The following FAM193A variants were observed in gnomAD, a reference collection of about 807,000 sequenced individuals.
The protein encoded by FAM193A is family with sequence similarity 193 member A.
A neutral mutation model predicts 126.5 loss-of-function variants in FAM193A; 22 were observed. The ratio of observed to expected loss-of-function variants is 0.17; its 90% CI spans 0.12 to 0.25. The LOEUF is 0.25. Among genes scored for constraint, FAM193A ranks in the 10% least tolerant of loss-of-function variants. The pLI is 1.00. For synonymous variants in FAM193A, 761 were observed against 646.8 expected, an observed-to-expected ratio of 1.18 and a Z score of -2.68; for missense variants, 1,675 against 1,672.8, an observed-to-expected ratio of 1.00 and a Z score of -0.02.
chr4:2,581,624 G>C (rs936254260), intron 1 of FAM193A, among the ~76,000 whole-genome samples: 1 of 151,972 alleles, frequency 6.6e-6, no homozygotes, highest in African/African-American at 2.4e-5. Context: ...GTTTGAGAAA[G>C]TCTTTCTCCT....
chr4:2,654,851 A>C, intron 7 of FAM193A: 4 of 385,338 alleles, frequency 1.0e-5, no homozygotes, highest in Non-Finnish European at 1.4e-5. Context: ...TGAGTGGGGA[A>C]TGTGTGTTTA....
rs761512247 is a variant in FAM193A, at chr4:2,695,127, G to A, written c.3274G>A (p.Gly1092Arg). The A allele has an allele frequency of 6.3e-6, 10 of 1,595,382 alleles. No homozygotes were observed. Among genetic ancestry groups the A allele is most frequent in the East Asian group, 4.5e-5 (2 of 44,164 alleles). Residue 1092 changes from glycine to arginine, a missense_variant and splice_region_variant, in exon 17 of 21, where the codon GGG (glycine) becomes AGG (arginine). Physicochemically the swap from Gly to Arg is moderately radical, Grantham distance 125 (BLOSUM62 -2). This residue lies in a region of FAM193A where 54 missense variants were observed against 114.8 expected (regional missense o/e 0.47). Coordinates refer to ENST00000637812, the MANE Select transcript of FAM193A (RefSeq NM_001366318.2). ...CTACTGCGAATTCTTTGGGCACGGC[G>A]GGGTGAGTGCATGAGGTCAGCGCAT... ...CCYCEFFGHG[G>R]PPAAPTSRNY...
chr4:2,666,881 A>G (rs1713181012), intron 12 of FAM193A, among the ~76,000 whole-genome samples: 2 of 152,190 alleles, frequency 1.3e-5, no homozygotes, highest in African/African-American at 4.8e-5. Context: ...TCTTCCTTTT[A>G]ACGGCTTCAG....
intron 10 of FAM193A, among the ~76,000 whole-genome samples, chr4:2,662,109 G>T (rs868660528): frequency 1.6e-4 from 24 of 152,214 alleles, no homozygotes; most frequent in African/African-American, 5.8e-4. Context: ...CGTGAACCTG[G>T]GGGGTGGAGC....
intron 18 of FAM193A, among the ~76,000 whole-genome samples, chr4:2,698,362 TCTC>T (rs746300687): frequency 1.3e-5 from 2 of 152,182 alleles, no homozygotes; most frequent in Non-Finnish European, 2.9e-5. Flanking sequence ...GGAGTTGGTC[TCTC>T]CTCTGCTCCC....
intron 2 of FAM193A, among the ~76,000 whole-genome samples, chr4:2,599,845 C>T (rs1560471167): frequency 6.6e-6 from 1 of 151,632 alleles, no homozygotes; most frequent in Non-Finnish European, 1.5e-5. Flanking sequence ...AAGAGACTAT[C>T]GTGCCTCAGC....
rs1560464372 is a variant in FAM193A at position 2,590,467 on chromosome 4, AAAAAAAAAC to A, written c.256-5608_256-5600del. 6.7e-4 allele frequency among the ~76,000 whole-genome samples: 56 copies of A among 83,560 alleles called. 4 individuals carry two copies. The highest frequency in any genetic ancestry group is 3.7e-3 in the African/African-American group (46 of 12,420). The allele number at this position is 83,560 out of a possible 152,430, so 54.8% of individuals were successfully genotyped here. On this transcript the variant is annotated intron_variant, in intron 1 of 20. Coordinates refer to ENST00000637812, the MANE Select transcript of FAM193A (RefSeq NM_001366318.2). Reference sequence around the variant, plus strand: ...TGACAGAGCGAGACTCCATCTCAAAAAAAAAAAACAAAAAAAAACAAAAAAAAACAAAAA... The same window carrying A: ...TGACAGAGCGAGACTCCATCTCAAAAAAAAAAAAACAAAAAAAAACAAAAA...
At chr4:2,612,088 G>A (rs1026697487) in intron 2 of FAM193A, among the ~76,000 whole-genome samples, 22 of 149,490 alleles carry the variant, frequency 1.5e-4, no homozygotes, top group African/African-American at 5.4e-4. Flanking sequence ...CGTCTGTCTC[G>A]GCCTCCCAAA....
intron 7 of FAM193A, among the ~76,000 whole-genome samples, chr4:2,648,797 A>G (rs1301189654): frequency 6.6e-6 from 1 of 152,208 alleles, no homozygotes. Flanking sequence ...AAGCTAGGAC[A>G]GTGGGCATTA....
intron 2 of FAM193A, among the ~76,000 whole-genome samples, chr4:2,624,711 A>T (rs1023325506): frequency 3.7e-4 from 57 of 152,272 alleles, no homozygotes; most frequent in African/African-American, 1.1e-3. Context: ...TAAACTTTTT[A>T]AAAAAATTTA....
chr4:2,629,235 A>C (rs1743309023), intron 4 of FAM193A, among the ~76,000 whole-genome samples: 3 of 151,260 alleles, frequency 2.0e-5, no homozygotes, highest in Non-Finnish European at 4.4e-5. Context: ...AAAAAAAGAG[A>C]TCTAAGTCCG....
chr4:2,635,985 T>A (rs1405631154), intron 5 of FAM193A, among the ~76,000 whole-genome samples: 2 of 150,906 alleles, frequency 1.3e-5, no homozygotes, highest in African/African-American at 5.0e-5. Flanking sequence ...GATAATGTAG[T>A]TGGAAAAAGG....
At position 2,701,824 on chromosome 4, in the gene FAM193A, T is replaced by G. The variant is rs546302534; in HGVS notation, c.4372+1280T>G. ...GGAGTTTCGCTCTTGTTGTCCAGGC[T>G]GGAGTGCAGTGGCACGATCTCAGCT... On this transcript the variant is annotated intron_variant, in intron 19 of 20. Transcript: ENST00000637812. 1.5e-3 allele frequency among the ~76,000 whole-genome samples: 232 copies of G among 151,968 alleles called. 1 individual carries two copies. Among genetic ancestry groups the G allele is most frequent in the African/African-American group, 5.5e-3 (227 of 41,412 alleles).
intron 20 of FAM193A, among the ~76,000 whole-genome samples, chr4:2,722,104 A>C (rs535392443): frequency 1.3e-5 from 2 of 152,148 alleles, no homozygotes; most frequent in Non-Finnish European, 2.9e-5. Context: ...GGCTGTGACT[A>C]CCTCTTGGGA....
chr4:2,554,768 A>T (rs372302698), intron 1 of FAM193A, among the ~76,000 whole-genome samples: 1 of 152,110 alleles, frequency 6.6e-6, no homozygotes, highest in African/African-American at 2.4e-5. Flanking sequence ...TTTGATGCAT[A>T]TACATTTAGG....
intron 7 of FAM193A, among the ~76,000 whole-genome samples, chr4:2,652,971 C>T (rs1745818477): frequency 6.6e-6 from 1 of 152,212 alleles, no homozygotes; most frequent in African/African-American, 2.4e-5. Flanking sequence ...CAGGAGGCTC[C>T]CGAGGGTCTC....
intron 5 of FAM193A, among the ~76,000 whole-genome samples, chr4:2,638,766 G>A (rs1744333261): frequency 6.6e-6 from 1 of 152,096 alleles, no homozygotes; most frequent in Non-Finnish European, 1.5e-5. Context: ...ATACCAACTA[G>A]GGTTATTAGG....
chr4:2,593,615 T>A (rs963105581), intron 1 of FAM193A, among the ~76,000 whole-genome samples: 31 of 152,242 alleles, frequency 2.0e-4, no homozygotes, highest in Non-Finnish European at 4.0e-4. Flanking sequence ...GAGCATGTGA[T>A]GGGCTCAGTA....
chr4:2,584,396 A>G (rs1740117285), intron 1 of FAM193A, among the ~76,000 whole-genome samples: 1 of 150,474 alleles, frequency 6.6e-6, no homozygotes, highest in Non-Finnish European at 1.5e-5. Context: ...ACTGCACTCC[A>G]GCCTGGGCGA....
Sources: allele counts gnomAD v4.1 joint callset (sites outside exome capture counted in the v4.1 genomes callset), GRCh38; gene constraint gnomAD v4.1.1; regional missense constraint gnomAD v4.1.1; transcripts MANE v1.5; gene names NCBI Gene and HGNC (gene_info 2026-07-23, HGNC 2026-07-21).